The following C1QTNF6 variants were observed in gnomAD, a reference collection of about 807,000 sequenced individuals.
The protein encoded by C1QTNF6 is C1q and TNF related 6, also known as complement C1q tumor necrosis factor-related protein 6.
C1QTNF6 carries 17 observed loss-of-function variants against 20.7 expected under a neutral mutation model. The observed-to-expected ratio is 0.82, with a 90% confidence interval of 0.56 to 1.23. C1QTNF6 has a LOEUF of 1.23. Among genes scored for constraint, C1QTNF6 ranks in the 50% most tolerant of loss-of-function variants. The pLI, the probability that C1QTNF6 is intolerant of heterozygous loss-of-function variation, is 0.00. For synonymous variants in C1QTNF6, 130 were observed against 156.3 expected (o/e 0.83, Z 1.25); for missense variants, 329 against 389.7 (o/e 0.84, Z 1.31).
rs374115818 is a variant in C1QTNF6 at position 37,185,508 on chromosome 22, T to C, written c.52-53A>G. ...TATACTTCACTCAACATCTACTATG[T>C]GCCGATGCCTGGGGTGGGCGGGTGC... On this transcript the variant is annotated intron_variant, in intron 1 of 2. Transcript: ENST00000337843. 12 of 1,496,352 alleles carry C rather than the reference T, an allele frequency of 8.0e-6. No individual in the cohort carries two copies. In the African/African-American group the frequency reaches 1.1e-4, roughly 14 times the overall value. The allele number at this position is 1,496,352 out of a possible 1,614,324, so 92.7% of individuals were successfully genotyped here.
chr22:37,185,493 T>C (rs1415192654), intron 1 of C1QTNF6, 38 bp from the exon 2 acceptor site: 3 of 1,545,744 alleles, frequency 1.9e-6, no homozygotes, highest in East Asian at 4.6e-5. Flanking sequence ...TATACTTCAC[T>C]CAACATCTAC....
rs1487451716 is a variant in C1QTNF6, at chr22:37,181,908, C to T, written c.*280G>A. 4.3e-6 allele frequency: 2 copies of T among 461,292 alleles called. No homozygotes were observed. The highest frequency in any genetic ancestry group is 4.0e-5 in the East Asian group (1 of 25,280). 28.6% of individuals were successfully genotyped at this position (461,292 alleles called of 1,614,324 possible). A position where few individuals can be genotyped will look rare whatever the true frequency, so the allele number is the denominator to read the frequency against. On this transcript the variant is annotated 3_prime_UTR_variant, in exon 3 of 3. Transcript: ENST00000337843. ...CATTTAACACGAACCCCGGGTGATT[C>T]GCATGCATTTCCAAGTTTGAGAAGT...
At chr22:37,183,018 T>G in intron 2 of C1QTNF6, 1 of 836,178 alleles carries the variant, frequency 1.2e-6, no homozygotes, top group Non-Finnish European at 1.4e-6. Context: ...CCAGGGTGAC[T>G]TGACTTCCCC....
upstream of C1QTNF6, among the ~76,000 whole-genome samples, chr22:37,189,024 A>T (rs1437783427): frequency 6.6e-6 from 1 of 152,156 alleles, no homozygotes; most frequent in Admixed American, 6.5e-5. Flanking sequence ...TTTTATAGTT[A>T]TTTCTTGATC....
rs533456339 is a variant in C1QTNF6 at position 37,184,341 on chromosome 22, C to T, written c.289+877G>A. On this transcript the variant is annotated intron_variant, in intron 2 of 2. Transcript: ENST00000337843. This position sits in a 1 kb window ranked among gnomAD's most constrained non-coding sequence, Gnocchi z 4.0. ...GAGGAATAAGAAAATATCGACCTCACGGGCTGTTGTGGGCAGAGACGGACG... is the reference window on the plus strand; with the variant it reads ...GAGGAATAAGAAAATATCGACCTCATGGGCTGTTGTGGGCAGAGACGGACG... 182 of 717,048 alleles carry T rather than the reference C, an allele frequency of 2.5e-4. No homozygotes were observed. Among genetic ancestry groups the T allele is most frequent in the Middle Eastern group, 1.8e-3 (8 of 4,360 alleles). 44.4% of individuals were successfully genotyped at this position (717,048 alleles called of 1,614,324 possible).
At chr22:37,183,873 T>C (rs1347553799) in intron 2 of C1QTNF6, among the ~76,000 whole-genome samples, 1 of 152,092 alleles carries the variant, frequency 6.6e-6, no homozygotes, top group Non-Finnish European at 1.5e-5. Flanking sequence ...TTTTTACAAA[T>C]AAGGCAGCAA....
intron 2 of C1QTNF6, among the ~76,000 whole-genome samples, chr22:37,194,631 T>C (rs761602376): frequency 1.3e-5 from 2 of 152,186 alleles, no homozygotes; most frequent in Non-Finnish European, 2.9e-5. Flanking sequence ...CCTCTTAATT[T>C]TGTAAGATGC....
In C1QTNF6 at chr22:37,180,367, G is replaced by A. The variant is rs1368696350; in HGVS notation, c.*1821C>T. 6.5e-6 allele frequency: 1 copy of A among 152,786 alleles called. No homozygotes were observed. Among genetic ancestry groups the A allele is most frequent in the Non-Finnish European group, 1.5e-5 (1 of 68,126 alleles). 9.5% of individuals were successfully genotyped at this position (152,786 alleles called of 1,614,324 possible). The stretch of plus-strand genomic sequence containing the variant: ...CCCCCCGGGGCACCTCAGCCCCAGA[G>A]TCTGCATGAGCACCAATGGGCGGAG... On this transcript the variant is annotated 3_prime_UTR_variant, in exon 3 of 3. Transcript: ENST00000337843.
intron 1 of C1QTNF6, among the ~76,000 whole-genome samples, chr22:37,186,259 TAA>T (rs1454411448): frequency 1.3e-5 from 2 of 151,396 alleles, no homozygotes; most frequent in Admixed American, 6.6e-5. Context: ...TTAGAAATGA[TAA>T]GAGTCCCCGT....
intron 2 of C1QTNF6, among the ~76,000 whole-genome samples, chr22:37,193,472 G>A (rs967803336): frequency 1.3e-5 from 2 of 151,810 alleles, no homozygotes; most frequent in African/African-American, 4.8e-5. Flanking sequence ...AAATTAAGTC[G>A]ACTGAAAAGA....
At position 37,184,819 on chromosome 22, in the gene C1QTNF6, G is replaced by A. The variant is rs913537048; in HGVS notation, c.289+399C>T. On this transcript the variant is annotated intron_variant, in intron 2 of 2. Coordinates refer to ENST00000337843, the MANE Select transcript of C1QTNF6 (RefSeq NM_031910.4). This position sits in a 1 kb window ranked among gnomAD's most constrained non-coding sequence, Gnocchi z 4.0. ...GCACCAGCTGTGCCCTTTGCCAGGAGGCTCCTCCACCACCTCTTAGAAGCC... is the reference window on the plus strand; with the variant it reads ...GCACCAGCTGTGCCCTTTGCCAGGAAGCTCCTCCACCACCTCTTAGAAGCC... Among the ~76,000 whole-genome samples the A allele has an allele frequency of 1.3e-5, 2 of 152,110 alleles. No homozygotes were observed. Among genetic ancestry groups the A allele is most frequent in the African/African-American group, 2.4e-5 (1 of 41,414 alleles).
upstream of C1QTNF6, chr22:37,188,312 A>AGGGAGG (rs1924559940): frequency 2.3e-6 from 2 of 863,748 alleles, no homozygotes; most frequent in Admixed American, 3.1e-5. Context: ...ATGGAGGGAG[A>AGGGAGG]GAGGGCGGAG....
At chr22:37,199,154 C>T (rs1445192015), upstream of C1QTNF6, among the ~76,000 whole-genome samples, 27 of 152,260 alleles carry the variant, frequency 1.8e-4, no homozygotes, top group Non-Finnish European at 8.8e-5. Context: ...AGCCTGCCTG[C>T]TGGGGCGTGC....
chr22:37,188,118 G>A (rs201852793), intron 1 of C1QTNF6, 45 bp downstream of exon 1: 1,015 of 1,576,670 alleles, frequency 6.4e-4, no homozygotes, highest in Non-Finnish European at 7.8e-4. Flanking sequence ...GGAATTCCAG[G>A]CTCTGACCCC....
At chr22:37,188,140 T>C (rs759394570) in intron 1 of C1QTNF6, 23 bp downstream of exon 1, 2 of 1,599,736 alleles carry the variant, frequency 1.3e-6, no homozygotes, top group South Asian at 2.2e-5. Context: ...GCCCCCAAGC[T>C]TGAGGAGCCT....
Position 37,181,452 on chromosome 22 carries a change from C to T in C1QTNF6, c.*736G>A, listed in dbSNP as rs574249268. ...CCTGTAATCCCAGCATTTTGAGAGG[C>T]CGAGGCGGGTGGGTCACCTGAAGTC... On this transcript the variant is annotated 3_prime_UTR_variant, in exon 3 of 3. Coordinates refer to ENST00000337843, the MANE Select transcript of C1QTNF6 (RefSeq NM_031910.4). 1 of 152,346 alleles carries T rather than the reference C, an allele frequency of 6.6e-6. No homozygotes were observed. The highest frequency in any genetic ancestry group is 2.1e-4 in the South Asian group (1 of 4,826). 9.4% of individuals were successfully genotyped at this position (152,346 alleles called of 1,614,324 possible). A position where few individuals can be genotyped will look rare whatever the true frequency, so the allele number is the denominator to read the frequency against.
rs1440736611 is a variant in C1QTNF6, at chr22:37,181,310, T to C, written c.*878A>G. 6.6e-6 allele frequency: 1 copy of C among 152,324 alleles called. No individual in the cohort carries two copies. Among genetic ancestry groups the C allele is most frequent in the Non-Finnish European group, 1.5e-5 (1 of 68,214 alleles). 9.4% of individuals were successfully genotyped at this position (152,324 alleles called of 1,614,324 possible). The stretch of plus-strand genomic sequence containing the variant: ...ATGAATAAATGAACGGTGGCTGCAG[T>C]GGTGCAGGCCTGAGCAAGAGAAGAG... On this transcript the variant is annotated 3_prime_UTR_variant, in exon 3 of 3. Transcript: ENST00000337843.
Position 37,182,315 on chromosome 22 carries a change from T to G in C1QTNF6, c.710A>C (p.Asp237Ala). Reference sequence around the variant, plus strand: ...CCAGACGCGGTCCCCGTAGGCCAGGTCCAGCATCACACTCTGGCTCTGCAT... The same window carrying G: ...CCAGACGCGGTCCCCGTAGGCCAGGGCCAGCATCACACTCTGGCTCTGCAT... ...SIMQSQSVMLDLAYGDRVWVR... is the reference protein window; with the variant it reads ...SIMQSQSVMLALAYGDRVWVR... The change falls in exon 3 of 3, where the codon GAC becomes GCC. Residue 237 changes from aspartate to alanine, a missense_variant. Physicochemically the swap from Asp to Ala is moderately radical, Grantham distance 126. Transcript: ENST00000337843. The G allele has an allele frequency of 6.2e-7, 1 of 1,614,204 alleles. No homozygotes were observed. The highest frequency in any genetic ancestry group is 8.5e-7 in the Non-Finnish European group (1 of 1,180,036).
chr22:37,186,362 A>G (rs1217391974), intron 1 of C1QTNF6, among the ~76,000 whole-genome samples: 1 of 152,216 alleles, frequency 6.6e-6, no homozygotes, highest in African/African-American at 2.4e-5. Flanking sequence ...TCAACTATCT[A>G]TGCAACCCAA....
Sources: allele counts gnomAD v4.1 joint callset (sites outside exome capture counted in the v4.1 genomes callset), GRCh38; gene constraint gnomAD v4.1.1; non-coding constraint Gnocchi (gnomAD v3.1); transcripts MANE v1.5; gene names NCBI Gene and HGNC (gene_info 2026-07-23, HGNC 2026-07-21).